Variants in HEATR1 observed in about 807,000 individuals in gnomAD.
HEATR1 encodes HEAT repeat containing 1.
A neutral mutation model predicts 248.2 loss-of-function variants in HEATR1; 77 were observed. The ratio of observed to expected loss-of-function variants is 0.31; its 90% CI spans 0.26 to 0.37. HEATR1 has a LOEUF of 0.37. Ranked by LOEUF, HEATR1 falls within the 10% of genes least tolerant of loss-of-function variation. The pLI, the probability that HEATR1 is intolerant of heterozygous loss-of-function variation, is 1.00. For missense variants in HEATR1, 2,420 were observed against 2,504.9 expected, an observed-to-expected ratio of 0.97 and a Z score of 0.72; for synonymous variants, 897 against 923.1, an observed-to-expected ratio of 0.97 and a Z score of 0.51.
Position 236,596,959 on chromosome 1 carries a change from C to A in HEATR1, c.621G>T (p.Pro207=), listed in dbSNP as rs200369778. Residue 207 remains proline (P), a synonymous_variant, in exon 6 of 45, where the codon CCG becomes CCT. Transcript: ENST00000366582. ...TKSVKVFAEY[P]GSSAQLRVLL... ...GCACCCTCAACTGAGCTGAGCTGCCCGGGTACTCAGCAAAAACCTGAAACA... is the reference window on the plus strand; with the variant it reads ...GCACCCTCAACTGAGCTGAGCTGCCAGGGTACTCAGCAAAAACCTGAAACA... 6.2e-7 allele frequency: 1 copy of A among 1,611,108 alleles called. No individual in the cohort carries two copies. Among genetic ancestry groups the A allele is most frequent in the Admixed American group, 1.7e-5 (1 of 59,018 alleles).
chr1:236,601,590 G>A (rs943457133), intron 3 of HEATR1, among the ~76,000 whole-genome samples: 28 of 152,004 alleles, frequency 1.8e-4, no homozygotes, highest in Non-Finnish European at 3.4e-4. Flanking sequence ...AGGATCGCTT[G>A]AGGCCAGGAG....
At chr1:236,587,661 T>G (rs972351235) in intron 13 of HEATR1, among the ~76,000 whole-genome samples, 171 bp from the exon 14 acceptor site, 1 of 152,074 alleles carries the variant, frequency 6.6e-6, no homozygotes, top group African/African-American at 2.4e-5. Context: ...ATAAGACAAT[T>G]TCCACAGGTC....
In HEATR1 at chr1:236,557,356, A is replaced by T; in HGVS notation, c.5205-11T>A. 1 of 1,613,222 alleles carries T rather than the reference A, an allele frequency of 6.2e-7. No individual in the cohort carries two copies. Among genetic ancestry groups the T allele is most frequent in the East Asian group, 2.2e-5 (1 of 44,858 alleles). ...AACGATGGCATCAGGCTAGAAACAA[A>T]GTAAGAGCTTTAGAAGAACTTGAAG... On this transcript the variant is annotated splice_polypyrimidine_tract_variant and intron_variant, in intron 36 of 44. Coordinates refer to ENST00000366582, the MANE Select transcript of HEATR1 (RefSeq NM_018072.6).
intron 17 of HEATR1, among the ~76,000 whole-genome samples, chr1:236,583,728 C>T (rs1663815572): frequency 6.6e-6 from 1 of 152,088 alleles, no homozygotes; most frequent in African/African-American, 2.4e-5. Context: ...CTCAGATGAT[C>T]CACCCGCCTC....
intron 41 of HEATR1, 41 bp downstream of exon 41, chr1:236,555,255 C>T: frequency 1.9e-6 from 3 of 1,599,860 alleles, no homozygotes; most frequent in Non-Finnish European, 2.6e-6. Flanking sequence ...GTATAAGGCA[C>T]ACAGGGCAAG....
chr1:236,586,375 T>C lies in HEATR1; in HGVS notation c.1793A>G (p.Gln598Arg), dbSNP rs542127174. The C allele has an allele frequency of 8.7e-5, 141 of 1,613,230 alleles. 1 individual carries two copies. The South Asian group carries it at 1.3e-3, about 15-fold the overall frequency. Reference sequence around the variant, plus strand: ...AAATGGCAGCAAACATACAACCACCTGATTTGACAACTGATCATTTTCACT... The same window carrying C: ...AAATGGCAGCAAACATACAACCACCCGATTTGACAACTGATCATTTTCACT... ...ILSENDQLSN[Q>R]VVVCLLPFMV... The change falls in exon 15 of 45, where the codon CAG becomes CGG. Residue 598 changes from glutamine to arginine, a missense_variant. Transcript: ENST00000366582.
intron 9 of HEATR1, among the ~76,000 whole-genome samples, chr1:236,593,678 A>G (rs1558191483): frequency 6.6e-6 from 1 of 151,576 alleles, no homozygotes; most frequent in Non-Finnish European, 1.5e-5. Flanking sequence ...AATGACATTT[A>G]CTGCGTTTTA....
At position 236,585,958 on chromosome 1, in the gene HEATR1, A is replaced by G. The variant is rs1572048249; in HGVS notation, c.1928-17T>C. On this transcript the variant is annotated splice_polypyrimidine_tract_variant and intron_variant, in intron 15 of 44. Transcript: ENST00000366582. ...TTTCAAGAGCTGTAAAGTAAAATCG[A>G]ATGCAGAGAGCTCTTATGTCACCAA... 6.2e-7 allele frequency: 1 copy of G among 1,612,870 alleles called. No homozygotes were observed. The highest frequency in any genetic ancestry group is 8.5e-7 in the Non-Finnish European group (1 of 1,179,390).
At chr1:236,557,135 T>C in intron 37 of HEATR1, 60 bp downstream of exon 37, 3 of 1,553,942 alleles carry the variant, frequency 1.9e-6, no homozygotes, top group Non-Finnish European at 1.7e-6. Context: ...ATCACTACAT[T>C]TGTGATCTTT....
intron 3 of HEATR1, among the ~76,000 whole-genome samples, chr1:236,602,444 G>A (rs1664351119): frequency 6.6e-6 from 1 of 152,190 alleles, no homozygotes; most frequent in African/African-American, 2.4e-5. Flanking sequence ...GCTTACCAGG[G>A]CCTAGTGTAT....
chr1:236,580,824 A>ATTTTTTTTTTTTTTTTTTTTT (rs71178327), intron 20 of HEATR1, among the ~76,000 whole-genome samples: 1 of 126,656 alleles, frequency 7.9e-6, no homozygotes. Context: ...GCCTTTATCG[A>ATTTTTTTTTTTTTTTTTTTTT]TTTTTTTTTT....
chr1:236,604,225 CA>C (rs1664412242), intron 1 of HEATR1, 98 bp from the exon 2 acceptor site: 1 of 941,900 alleles, frequency 1.1e-6, no homozygotes, highest in African/African-American at 1.7e-5. Flanking sequence ...CATGGACACA[CA>C]ACGCGGGTGT....
At position 236,556,262 on chromosome 1, in the gene HEATR1, C is replaced by G. The variant is rs78995335; in HGVS notation, c.5356-4G>C. ...TGATTTTCTCCAGATGAATCACCTA[C>G]AGGAATATAAAAAAAGTGATCAGGG... On this transcript the variant is annotated splice_region_variant and splice_polypyrimidine_tract_variant and intron_variant, in intron 37 of 44. Transcript: ENST00000366582. 386 of 1,613,874 alleles carry G rather than the reference C, an allele frequency of 2.4e-4. 3 individuals carry two copies. The East Asian group carries it at 7.5e-3, about 31-fold the overall frequency.
chr1:236,575,435 A>G (rs1663540338), intron 22 of HEATR1, among the ~76,000 whole-genome samples: 1 of 152,172 alleles, frequency 6.6e-6, no homozygotes, highest in African/African-American at 2.4e-5. Context: ...TGCTTTCCTG[A>G]TACAACTGCA....
intron 5 of HEATR1, 68 bp from the exon 6 acceptor site, chr1:236,597,044 A>G: frequency 1.4e-6 from 2 of 1,464,306 alleles, no homozygotes; most frequent in African/African-American, 1.4e-5. Flanking sequence ...GCTTGAGGCC[A>G]GGAGTTCAAG....
chr1:236,576,746 G>A, intron 21 of HEATR1, 34 bp downstream of exon 21: 1 of 1,585,492 alleles, frequency 6.3e-7, no homozygotes, highest in Non-Finnish European at 8.6e-7. Flanking sequence ...ACAGAGGCAT[G>A]AACACACTCA....
intron 11 of HEATR1, among the ~76,000 whole-genome samples, chr1:236,591,663 TAG>T (rs1481358745): frequency 4.6e-5 from 7 of 152,252 alleles, no homozygotes; most frequent in Admixed American, 2.6e-4. Flanking sequence ...CTGGAAAGCA[TAG>T]ACCTAGATGA....
chr1:236,593,198 G>GA (rs529623614), intron 9 of HEATR1, among the ~76,000 whole-genome samples: 1,528 of 138,746 alleles, frequency 0.011, 28 homozygotes, highest in African/African-American at 0.033. Flanking sequence ...CCATCTTAAA[G>GA]AAAAAAAAAA....
intron 41 of HEATR1, 111 bp downstream of exon 41, chr1:236,555,185 G>A (rs962638519): frequency 1.8e-6 from 2 of 1,115,528 alleles, no homozygotes; most frequent in East Asian, 4.7e-5. Context: ...CCTTAGCTTA[G>A]GACTTAAGAA....
Sources: allele counts gnomAD v4.1 joint callset (sites outside exome capture counted in the v4.1 genomes callset), GRCh38; gene constraint gnomAD v4.1.1; transcripts MANE v1.5; gene names NCBI Gene and HGNC (gene_info 2026-07-23, HGNC 2026-07-21).